Variants in KIAA1328 observed in about 807,000 individuals in gnomAD.
KIAA1328 encodes protein hinderin.
Under a neutral mutation model 68.1 loss-of-function variants are expected in KIAA1328, and 52 were observed. The observed-to-expected ratio is 0.76, with a 90% CI of 0.61 to 0.96. KIAA1328 has a LOEUF of 0.96. KIAA1328 is among the 40% of genes least tolerant of loss of function. The pLI is 0.00. For missense variants in KIAA1328, 641 were observed against 677.6 expected (o/e 0.95, Z 0.60); for synonymous variants, 232 against 239.4 (o/e 0.97, Z 0.28).
intron 6 of KIAA1328, among the ~76,000 whole-genome samples, chr18:37,044,370 A>T (rs1364392961): frequency 6.6e-6 from 1 of 152,146 alleles, no homozygotes; most frequent in African/African-American, 2.4e-5. Flanking sequence ...AGCTGATAGG[A>T]ACGTGGTAAA....
intron 5 of KIAA1328, among the ~76,000 whole-genome samples, chr18:36,953,970 A>G (rs1458183724): frequency 1.4e-5 from 2 of 145,666 alleles, no homozygotes; most frequent in Non-Finnish European, 3.0e-5. Context: ...AAAATCTCCC[A>G]TATATTGAAT....
intron 6 of KIAA1328, among the ~76,000 whole-genome samples, chr18:36,996,598 A>G (rs1012924342): frequency 3.9e-5 from 6 of 152,128 alleles, no homozygotes; most frequent in African/African-American, 1.2e-4. Context: ...TAAGGCTTCT[A>G]GTTAGTATAC....
chr18:36,918,172 CT>C (rs1491141652), intron 5 of KIAA1328, among the ~76,000 whole-genome samples: 1 of 152,000 alleles, frequency 6.6e-6, no homozygotes, highest in Admixed American at 6.6e-5. Flanking sequence ...TATTCCCCCC[CT>C]TTTTTGTATC....
intron 5 of KIAA1328, chr18:36,946,294 G>A (rs1298446975): frequency 6.6e-6 from 1 of 152,150 alleles, no homozygotes; most frequent in East Asian, 1.9e-4. Flanking sequence ...TACCAAGAAT[G>A]ACTTAAAGGG....
intron 6 of KIAA1328, among the ~76,000 whole-genome samples, chr18:37,020,839 A>AT (rs1255490829): frequency 6.6e-6 from 1 of 152,200 alleles, no homozygotes; most frequent in Non-Finnish European, 1.5e-5. Context: ...GAGTTGGCTC[A>AT]TTCAAAACTA....
intron 8 of KIAA1328, among the ~76,000 whole-genome samples, chr18:37,170,108 G>T (rs2059472069): frequency 6.6e-6 from 1 of 152,132 alleles, no homozygotes; most frequent in South Asian, 2.1e-4. Context: ...TGTATTAGTA[G>T]TGAACTGCTT....
chr18:36,933,862 C>A (rs1218917725), intron 5 of KIAA1328, among the ~76,000 whole-genome samples: 5 of 152,216 alleles, frequency 3.3e-5, no homozygotes, highest in Non-Finnish European at 7.3e-5. Flanking sequence ...CCAGTGGAAG[C>A]CAGCTTTGTT....
At position 36,868,642 on chromosome 18, in the gene KIAA1328, A is replaced by G. The variant is rs887181083; in HGVS notation, c.333-16915A>G. Among the ~76,000 whole-genome samples, 3 of 152,166 alleles carry G rather than the reference A, an allele frequency of 2.0e-5. 1 individual carries two copies. The highest frequency in any genetic ancestry group is 2.0e-4 in the Admixed American group (3 of 15,278). Reference sequence around the variant, plus strand: ...AAAGTTTTAGAACAATGTTGGCCACAATTGCAATTTTTGATGTATATGAGC... The same window carrying G: ...AAAGTTTTAGAACAATGTTGGCCACGATTGCAATTTTTGATGTATATGAGC... On this transcript the variant is annotated intron_variant, in intron 4 of 9. Coordinates refer to ENST00000280020, the MANE Select transcript of KIAA1328 (RefSeq NM_020776.3).
intron 9 of KIAA1328, among the ~76,000 whole-genome samples, chr18:37,197,493 G>A (rs2060026373): frequency 1.3e-5 from 2 of 152,074 alleles, no homozygotes; most frequent in African/African-American, 4.8e-5. Context: ...TTAGTCCCAG[G>A]CAGAATATTA....
rs1415432978 is a variant in KIAA1328 at position 37,110,606 on chromosome 18, C to T, written c.1232+43061C>T. Among the ~76,000 whole-genome samples, 3 of 152,224 alleles carry T rather than the reference C, an allele frequency of 2.0e-5. No individual in the cohort carries two copies. The East Asian group carries it at 5.8e-4, about 29-fold the overall frequency. ...TCTTTACATTGATTTTGGGATTCAGCACAACTGGATACACTTAGGATGAAC... is the reference window on the plus strand; with the variant it reads ...TCTTTACATTGATTTTGGGATTCAGTACAACTGGATACACTTAGGATGAAC... On this transcript the variant is annotated intron_variant, in intron 7 of 9. Coordinates refer to ENST00000280020, the MANE Select transcript of KIAA1328 (RefSeq NM_020776.3).
At chr18:37,159,315 C>A (rs560810987) in intron 7 of KIAA1328, among the ~76,000 whole-genome samples, 5 of 152,152 alleles carry the variant, frequency 3.3e-5, no homozygotes, top group Admixed American at 6.5e-5. Context: ...CTCCATTCAG[C>A]TTGTTCTTGT....
intron 6 of KIAA1328, among the ~76,000 whole-genome samples, chr18:37,018,437 T>C (rs2054228436): frequency 6.6e-6 from 1 of 152,202 alleles, no homozygotes; most frequent in African/African-American, 2.4e-5. Flanking sequence ...CTGACTATTA[T>C]ATACCTTGGT....
chr18:36,894,186 T>C (rs1025071710), intron 5 of KIAA1328, among the ~76,000 whole-genome samples: 11 of 152,176 alleles, frequency 7.2e-5, no homozygotes, highest in Admixed American at 4.6e-4. Context: ...ACGATACAAA[T>C]ATCAATAAGC....
intron 5 of KIAA1328, among the ~76,000 whole-genome samples, chr18:36,943,059 A>G (rs2050769819): frequency 6.6e-6 from 1 of 152,158 alleles, no homozygotes; most frequent in Non-Finnish European, 1.5e-5. Context: ...AGACATCTTT[A>G]TGTAAAACAC....
At chr18:36,941,479 C>T (rs1474787572) in intron 5 of KIAA1328, among the ~76,000 whole-genome samples, 1 of 152,130 alleles carries the variant, frequency 6.6e-6, no homozygotes, top group Non-Finnish European at 1.5e-5. Flanking sequence ...CCTGCAATCC[C>T]AGCTACTCGG....
At chr18:37,144,722 GT>G in intron 7 of KIAA1328, among the ~76,000 whole-genome samples, 1 of 151,856 alleles carries the variant, frequency 6.6e-6, no homozygotes, top group South Asian at 2.1e-4. Flanking sequence ...TAGAGTTGGG[GT>G]TTCGCCATGT....
intron 4 of KIAA1328, among the ~76,000 whole-genome samples, chr18:36,865,107 T>C (rs2047703470): frequency 6.6e-6 from 1 of 152,026 alleles, no homozygotes; most frequent in African/African-American, 2.4e-5. Context: ...ATTTTCCTCT[T>C]CTTTTTTTTA....
rs572088371 is a variant in KIAA1328 at position 36,944,536 on chromosome 18, G to A, written c.449-14772G>A. Among the ~76,000 whole-genome samples, 30 of 152,058 alleles carry A rather than the reference G, an allele frequency of 2.0e-4. No homozygotes were observed. The South Asian group carries it at 3.7e-3, about 19-fold the overall frequency. On this transcript the variant is annotated intron_variant, in intron 5 of 9. Transcript: ENST00000280020. ...GGAGCTTGCAGTGAGCTGGGATCACGCCACTGCATTCCAGCCTAGGCAACA... is the reference window on the plus strand; with the variant it reads ...GGAGCTTGCAGTGAGCTGGGATCACACCACTGCATTCCAGCCTAGGCAACA...
At chr18:37,122,872 T>C (rs1474543158) in intron 7 of KIAA1328, among the ~76,000 whole-genome samples, 2 of 151,992 alleles carry the variant, frequency 1.3e-5, no homozygotes, top group African/African-American at 2.4e-5. Context: ...GAAAACACGG[T>C]TGATGATTTT....
Sources: gnomAD v4.1 joint callset for allele counts (sites outside exome capture counted in the v4.1 genomes callset) on GRCh38, gnomAD v4.1.1 for gene constraint, MANE v1.5 for transcripts, NCBI Gene and HGNC (gene_info 2026-07-23, HGNC 2026-07-21) for gene names.